Variants in SLC39A11 observed in about 807,000 individuals in gnomAD.
SLC39A11 encodes the protein solute carrier family 39 member 11, also known as zinc transporter ZIP11.
In SLC39A11, 33 loss-of-function variants were observed where a neutral mutation model predicts 36.1. That is an observed-to-expected ratio of 0.91 (90% CI 0.69 to 1.22). SLC39A11 has a LOEUF of 1.22. Ranked by LOEUF, SLC39A11 falls within the 50% of genes most tolerant of loss-of-function variation. The pLI, the probability that SLC39A11 is intolerant of heterozygous loss-of-function variation, is 0.00. For missense variants in SLC39A11, 432 were observed against 430.3 expected (o/e 1.00, Z -0.03); for synonymous variants, 166 against 170.3 (o/e 0.97, Z 0.20).
At chr17:72,901,641 A>T (rs2082399190) in intron 5 of SLC39A11, among the ~76,000 whole-genome samples, 2 of 152,234 alleles carry the variant, frequency 1.3e-5, no homozygotes, top group African/African-American at 4.8e-5. Context: ...CCGCCAGTGC[A>T]CACTAGAATT....
chr17:72,702,390 C>T (rs924288705), intron 7 of SLC39A11, among the ~76,000 whole-genome samples: 1 of 152,134 alleles, frequency 6.6e-6, no homozygotes, highest in Non-Finnish European at 1.5e-5. Context: ...TGTCTGCAGA[C>T]ATTTTTGGTT....
At chr17:73,018,863 A>G (rs967713555) in intron 4 of SLC39A11, among the ~76,000 whole-genome samples, 2 of 152,134 alleles carry the variant, frequency 1.3e-5, no homozygotes, top group Non-Finnish European at 2.9e-5. Context: ...AAAAATCAAG[A>G]AAGATAAACA....
intron 5 of SLC39A11, among the ~76,000 whole-genome samples, chr17:72,867,822 C>T (rs2080388385): frequency 6.6e-6 from 1 of 151,880 alleles, no homozygotes; most frequent in Non-Finnish European, 1.5e-5. Flanking sequence ...ACACTAGACC[C>T]AGATGGTATT....
In SLC39A11 at chr17:72,998,415, T is replaced by C. The variant is rs145947872; in HGVS notation, c.306+33141A>G. ...GGAAGCCTTTTATGACTCTCCCAAG[T>C]AGACTGAGTCACTGTTATTCAGTGC... On this transcript the variant is annotated intron_variant, in intron 4 of 9. Transcript: ENST00000255559. Among the ~76,000 whole-genome samples the C allele has an allele frequency of 6.3e-3, 963 of 152,294 alleles. 15 individuals carry two copies. The highest frequency in any genetic ancestry group is 0.024 in the Middle Eastern group (7 of 294).
At chr17:72,889,601 A>T (rs2146694447) in intron 5 of SLC39A11, among the ~76,000 whole-genome samples, 1 of 152,296 alleles carries the variant, frequency 6.6e-6, no homozygotes, top group East Asian at 1.9e-4. Flanking sequence ...TTCACAAAAC[A>T]ATTTGATTCA....
Position 72,888,967 on chromosome 17 carries a change from G to GAC in SLC39A11, c.431-39165_431-39164dup, listed in dbSNP as rs1247513399. ...AGGAGTAACTAGATACAGTTGCAGA[G>GAC]ACATGGTGTGCAGAGGTCAAACATG... On this transcript the variant is annotated intron_variant, in intron 5 of 9. Transcript: ENST00000255559. Among the ~76,000 whole-genome samples, 4 of 152,056 alleles carry GAC rather than the reference G, an allele frequency of 2.6e-5. No individual in the cohort carries two copies. In the East Asian group the frequency reaches 7.7e-4, roughly 29 times the overall value.
At chr17:73,081,654 C>T (rs201591489) in intron 3 of SLC39A11, among the ~76,000 whole-genome samples, 5 of 64,214 alleles carry the variant, frequency 7.8e-5, no homozygotes, top group South Asian at 6.4e-4. Flanking sequence ...CACACACACA[C>T]ACACACACAC....
intron 7 of SLC39A11, among the ~76,000 whole-genome samples, chr17:72,654,028 A>C (rs1209315185): frequency 6.6e-6 from 1 of 152,134 alleles, no homozygotes; most frequent in Non-Finnish European, 1.5e-5. Context: ...TTGTGTTTAA[A>C]ATGTGCGTGT....
chr17:72,658,392 C>T (rs1010022020), intron 7 of SLC39A11, among the ~76,000 whole-genome samples: 5 of 152,208 alleles, frequency 3.3e-5, no homozygotes, highest in Non-Finnish European at 7.3e-5. Context: ...GGCCTCCCTC[C>T]TCGTATCTTC....
rs188366056 is a variant in SLC39A11, at chr17:73,081,809, T to A, written c.147+2999A>T. Among the ~76,000 whole-genome samples the A allele has an allele frequency of 4.2e-4, 47 of 110,638 alleles. No homozygotes were observed. In the East Asian group the frequency reaches 0.011, roughly 26 times the overall value. The allele number at this position is 110,638 out of a possible 152,430, so 72.6% of individuals were successfully genotyped here. On this transcript the variant is annotated intron_variant, in intron 3 of 9. Transcript: ENST00000255559. Reference sequence around the variant, plus strand: ...ACTACTACTCACCCATAAAAAGGAATGAAATAATGGTACTCGCAGCAATCT... The same window carrying A: ...ACTACTACTCACCCATAAAAAGGAAAGAAATAATGGTACTCGCAGCAATCT...
chr17:72,665,580 G>T (rs2070719266), intron 7 of SLC39A11, among the ~76,000 whole-genome samples: 1 of 151,590 alleles, frequency 6.6e-6, no homozygotes, highest in Non-Finnish European at 1.5e-5. Flanking sequence ...AGAGATGGGG[G>T]TCTCACTATA....
intron 4 of SLC39A11, among the ~76,000 whole-genome samples, chr17:73,021,342 CTTT>C (rs2058345367): frequency 6.6e-6 from 1 of 151,460 alleles, no homozygotes; most frequent in South Asian, 2.1e-4. Context: ...CTCTTTCTTT[CTTT>C]CTTTTTTTTT....
chr17:72,752,477 T>C (rs1322272245), intron 6 of SLC39A11, among the ~76,000 whole-genome samples: 4 of 152,186 alleles, frequency 2.6e-5, no homozygotes, highest in Non-Finnish European at 5.9e-5. Flanking sequence ...ACTCCTGACC[T>C]CAGGTGATCT....
chr17:72,985,330 A>G (rs868238257), intron 4 of SLC39A11, among the ~76,000 whole-genome samples: 1 of 150,530 alleles, frequency 6.6e-6, no homozygotes, highest in Non-Finnish European at 1.5e-5. Context: ...CTAGCCAGCT[A>G]TATCTGACCC....
intron 6 of SLC39A11, among the ~76,000 whole-genome samples, chr17:72,814,274 G>C (rs2145439447): frequency 6.6e-6 from 1 of 152,314 alleles, no homozygotes; most frequent in Admixed American, 6.5e-5. Context: ...CTACTGAGAA[G>C]TACCTGACCC....
chr17:72,979,708 C>A (rs1274405422), intron 4 of SLC39A11, among the ~76,000 whole-genome samples: 1 of 152,146 alleles, frequency 6.6e-6, no homozygotes, highest in Admixed American at 6.5e-5. Flanking sequence ...CACACTAACC[C>A]ACCTCCCTCC....
At chr17:73,047,966 CAAAAA>C (rs1165334910) in intron 3 of SLC39A11, among the ~76,000 whole-genome samples, 24 of 20,482 alleles carry the variant, frequency 1.2e-3, no homozygotes, top group African/African-American at 2.8e-3. Flanking sequence ...GACTCCATCT[CAAAAA>C]AAAAAAAAAA....
At chr17:72,676,123 CTCTT>C (rs1483087837) in intron 7 of SLC39A11, among the ~76,000 whole-genome samples, 5 of 151,632 alleles carry the variant, frequency 3.3e-5, no homozygotes, top group African/African-American at 1.2e-4. Flanking sequence ...TAAAGCAACT[CTCTT>C]TTTTTCAAAT....
chr17:73,023,942 G>C lies in SLC39A11; in HGVS notation c.306+7614C>G, dbSNP rs150377084. ...GGAAAGGCAGCCATCTGCAAGCCAA[G>C]TGGAGAGGCCTCAAAAGAAACCAAC... On this transcript the variant is annotated intron_variant, in intron 4 of 9. Transcript: ENST00000255559. Among the ~76,000 whole-genome samples the C allele has an allele frequency of 1.1e-3, 166 of 152,388 alleles. No homozygotes were observed. In the East Asian group the frequency reaches 0.017, roughly 16 times the overall value.
Sources: allele counts gnomAD v4.1 joint callset (sites outside exome capture counted in the v4.1 genomes callset), GRCh38; gene constraint gnomAD v4.1.1; transcripts MANE v1.5; gene names NCBI Gene and HGNC (gene_info 2026-07-23, HGNC 2026-07-21).